The following SLC50A1 variants were observed in gnomAD, a reference collection of about 807,000 sequenced individuals.
The protein encoded by SLC50A1 is sugar transporter SWEET1.
Under a neutral mutation model 28.9 loss-of-function variants are expected in SLC50A1, and 22 were observed. The observed-to-expected ratio is 0.76, with a 90% CI of 0.54 to 1.09. SLC50A1 has a LOEUF of 1.09. SLC50A1 is among the 50% of genes least tolerant of loss of function. The pLI is 0.00. For synonymous variants in SLC50A1, 96 were observed against 110.6 expected, an observed-to-expected ratio of 0.87 and a Z score of 0.83; for missense variants, 233 against 273.4, an observed-to-expected ratio of 0.85 and a Z score of 1.04.
intron 1 of SLC50A1, 46 bp from the exon 2 acceptor site, chr1:155,136,253 C>CT (rs1664456554): frequency 7.6e-7 from 1 of 1,321,166 alleles, no homozygotes; most frequent in Non-Finnish European, 1.1e-6. Flanking sequence ...TAGCACTCTG[C>CT]TTCTCCCTTC....
Position 155,138,454 on chromosome 1 carries a change from C to T in SLC50A1, c.*173C>T. 2 of 605,286 alleles carry T rather than the reference C, an allele frequency of 3.3e-6. No homozygotes were observed. The highest frequency in any genetic ancestry group is 3.0e-5 in the Admixed American group (1 of 33,086). 37.5% of individuals were successfully genotyped at this position (605,286 alleles called of 1,614,324 possible). A position where few individuals can be genotyped will look rare whatever the true frequency, so the allele number is the denominator to read the frequency against. Reference sequence around the variant, plus strand: ...GCTTTACTTAGATGATTGATTGGGGCCTAGGAGATGAAATCACTTTTTATT... The same window carrying T: ...GCTTTACTTAGATGATTGATTGGGGTCTAGGAGATGAAATCACTTTTTATT... On this transcript the variant is annotated 3_prime_UTR_variant, in exon 6 of 6. Coordinates refer to ENST00000368404, the MANE Select transcript of SLC50A1 (RefSeq NM_018845.4).
At position 155,136,472 on chromosome 1, in the gene SLC50A1, G is replaced by T. The variant is rs1045710523; in HGVS notation, c.158+96G>T. 5.1e-6 allele frequency: 6 copies of T among 1,168,160 alleles called. No homozygotes were observed. In the Admixed American group the frequency reaches 9.9e-5, roughly 19 times the overall value. The allele number at this position is 1,168,160 out of a possible 1,614,324, so 72.4% of individuals were successfully genotyped here. On this transcript the variant is annotated intron_variant, in intron 2 of 5. Coordinates refer to ENST00000368404, the MANE Select transcript of SLC50A1 (RefSeq NM_018845.4). ...GAGTGAAAGAGGTTTGGCCGGGCGC[G>T]GTGGCTCACGCCTGTAATCCCTGCA...
chr1:155,136,421 A>C, intron 2 of SLC50A1, 45 bp downstream of exon 2: 1 of 1,178,484 alleles, frequency 8.5e-7, no homozygotes, highest in Non-Finnish European at 1.3e-6. Context: ...TACCAGAGGG[A>C]GGTGGGGGCG....
At position 155,138,091 on chromosome 1, in the gene SLC50A1, A is replaced by G; in HGVS notation, c.557A>G (p.Tyr186Cys). 2 of 1,614,090 alleles carry G rather than the reference A, an allele frequency of 1.2e-6. No homozygotes were observed. The highest frequency in any genetic ancestry group is 1.7e-6 in the Non-Finnish European group (2 of 1,180,002). ...TATGGGTTTCGACTCAGAGATCCCT[A>G]TATCATGGTAAGCACAACTGGGATG... is the stretch of plus-strand genomic sequence containing the variant. Reference protein sequence around the residue: ...CLYGFRLRDPYIMVSNFPGIV... With the variant: ...CLYGFRLRDPCIMVSNFPGIV... Residue 186 changes from tyrosine (Y) to cysteine (C), a missense_variant, in exon 5 of 6, where the codon TAT becomes TGT. Transcript: ENST00000368404.
chr1:155,137,680 T>C lies in SLC50A1; in HGVS notation c.402T>C (p.Ser134=). 3 of 1,614,164 alleles carry C rather than the reference T, an allele frequency of 1.9e-6. No individual in the cohort carries two copies. Among genetic ancestry groups the C allele is most frequent in the Non-Finnish European group, 2.5e-6 (3 of 1,180,016 alleles). Residue 134 remains serine, a synonymous_variant, in exon 4 of 6, where the codon AGT becomes AGC. Coordinates refer to ENST00000368404, the MANE Select transcript of SLC50A1 (RefSeq NM_018845.4). ...ARLQQLGLFC[S]VFTISMYLSP... is the part of the protein sequence containing the mutation. ...TTCAGCAGTTGGGCCTCTTCTGCAG[T>C]GTCTTCACCATCAGCATGTACCTCT...
upstream of SLC50A1, chr1:155,135,681 G>A (rs749472003): frequency 2.1e-5 from 32 of 1,550,270 alleles, no homozygotes; most frequent in East Asian, 7.3e-4. Flanking sequence ...CATGGAAGAG[G>A]TCTGGACCAG....
intron 3 of SLC50A1, 101 bp downstream of exon 3, chr1:155,137,052 C>A: frequency 6.7e-7 from 1 of 1,497,608 alleles, no homozygotes; most frequent in Middle Eastern, 2.4e-4. Flanking sequence ...GCACTGCCAC[C>A]TTTTCCAGGA....
Position 155,136,967 on chromosome 1 carries a change from T to C in SLC50A1, c.282+16T>C, listed in dbSNP as rs748100913. On this transcript the variant is annotated intron_variant, in intron 3 of 5. Transcript: ENST00000368404. ...CCCTCGGAAGGTAGAGGCCCTCCCT[T>C]GGACCCACCTATCTGCTGCACGCCC... The C allele has an allele frequency of 1.2e-6, 2 of 1,611,960 alleles. No individual in the cohort carries two copies. Among genetic ancestry groups the C allele is most frequent in the Non-Finnish European group, 8.5e-7 (1 of 1,178,506 alleles).
intron 2 of SLC50A1, 159 bp from the exon 3 acceptor site, chr1:155,136,669 G>A: frequency 2.8e-6 from 3 of 1,067,442 alleles, no homozygotes; most frequent in Admixed American, 2.6e-5. Flanking sequence ...CGTGAACCCA[G>A]GAGGCGGAGC....
chr1:155,136,276 C>T, intron 1 of SLC50A1, 23 bp from the exon 2 acceptor site: 1 of 1,530,570 alleles, frequency 6.5e-7, no homozygotes, highest in Non-Finnish European at 9.0e-7. Flanking sequence ...ACCCCCACCC[C>T]TCCCTTCGGG....
At chr1:155,137,889 G>T (rs1039360599) in intron 4 of SLC50A1, 90 bp from the exon 5 acceptor site, 1 of 1,603,258 alleles carries the variant, frequency 6.2e-7, no homozygotes, top group Non-Finnish European at 8.5e-7. Flanking sequence ...GATCAGGGAG[G>T]GTGTCTGACC....
chr1:155,136,961 C>A lies in SLC50A1; in HGVS notation c.282+10C>A. On this transcript the variant is annotated intron_variant, in intron 3 of 5. Coordinates refer to ENST00000368404, the MANE Select transcript of SLC50A1 (RefSeq NM_018845.4). ...TTACTGCCCTCGGAAGGTAGAGGCC[C>A]TCCCTTGGACCCACCTATCTGCTGC... The A allele has an allele frequency of 6.2e-7, 1 of 1,612,610 alleles. No individual in the cohort carries two copies.
upstream of SLC50A1, chr1:155,135,598 G>C (rs114135957): frequency 5.8e-6 from 9 of 1,550,014 alleles, no homozygotes; most frequent in Non-Finnish European, 7.8e-6. Flanking sequence ...TGATCCAAGG[G>C]GTAGGCAGAG....
chr1:155,135,620 G>A (rs1035824521), upstream of SLC50A1: 31 of 1,550,162 alleles, frequency 2.0e-5, 2 homozygotes, highest in South Asian at 2.6e-4. Flanking sequence ...GTGAGCAGCG[G>A]CAGGTATCGG....
chr1:155,135,658 G>A (rs766462628), upstream of SLC50A1: 442 of 1,550,306 alleles, frequency 2.9e-4, no homozygotes, highest in Middle Eastern at 1.0e-3. Flanking sequence ...CCTAGGAAGG[G>A]GACTGACCGG....
rs897504274 is a variant in SLC50A1, at chr1:155,136,659, C to G, written c.159-169C>G. On this transcript the variant is annotated intron_variant, in intron 2 of 5. Transcript: ENST00000368404. ...TCGGGAGGCTGAGGCAGGAGAATGG[C>G]GTGAACCCAGGAGGCGGAGCTTGCA... 21 of 976,884 alleles carry G rather than the reference C, an allele frequency of 2.1e-5. No homozygotes were observed. The highest frequency in any genetic ancestry group is 3.3e-4 in the Middle Eastern group (1 of 3,030). 60.5% of individuals were successfully genotyped at this position (976,884 alleles called of 1,614,324 possible). A position where few individuals can be genotyped will look rare whatever the true frequency, so the allele number is the denominator to read the frequency against.
upstream of SLC50A1, chr1:155,135,620 G>C (rs1035824521): frequency 5.2e-6 from 8 of 1,550,280 alleles, no homozygotes; most frequent in African/African-American, 8.2e-5. Context: ...GTGAGCAGCG[G>C]CAGGTATCGG....
rs1380669662 is a variant in SLC50A1, at chr1:155,138,294, G to C, written c.*13G>C. 6.2e-7 allele frequency: 1 copy of C among 1,612,872 alleles called. No individual in the cohort carries two copies. The highest frequency in any genetic ancestry group is 1.1e-5 in the South Asian group (1 of 90,908). On this transcript the variant is annotated 3_prime_UTR_variant, in exon 6 of 6. Transcript: ENST00000368404. ...CCTGCAAACCTGAGGCTGCTCATCT[G>C]ACCACTGGGCACCTTAGTGCCAACC...
At chr1:155,135,604 CAG>C, upstream of SLC50A1, 2 of 1,550,078 alleles carry the variant, frequency 1.3e-6, no homozygotes, top group Non-Finnish European at 1.7e-6. Context: ...AAGGGGTAGG[CAG>C]AGTGTGAGCA....
Sources: allele counts gnomAD v4.1 joint callset, GRCh38; gene constraint gnomAD v4.1.1; transcripts MANE v1.5; gene names NCBI Gene and HGNC (gene_info 2026-07-23, HGNC 2026-07-21).